Variants in PTPRN2 observed in about 807,000 individuals in gnomAD.
The protein encoded by PTPRN2 is protein tyrosine phosphatase receptor type N2.
Under a neutral mutation model 118.8 loss-of-function variants are expected in PTPRN2, and 74 were observed. That is an observed-to-expected ratio of 0.62 (90% CI 0.52 to 0.76). The LOEUF is 0.76. PTPRN2 is among the 30% of genes least tolerant of loss of function. PTPRN2 has a pLI of 0.00. For synonymous variants in PTPRN2, 641 were observed against 608.0 expected (o/e 1.05, Z -0.80); for missense variants, 1,481 against 1,394.4 (o/e 1.06, Z -0.99).
chr7:158,249,644 A>G (rs1051257653), intron 3 of PTPRN2, among the ~76,000 whole-genome samples: 2 of 152,226 alleles, frequency 1.3e-5, no homozygotes, highest in African/African-American at 4.8e-5. Flanking sequence ...CCCAGTTGTG[A>G]CGTCTATGCA....
intron 3 of PTPRN2, among the ~76,000 whole-genome samples, chr7:158,262,533 A>AC (rs369872448): frequency 7.5e-5 from 11 of 146,936 alleles, no homozygotes; most frequent in East Asian, 6.0e-4. Context: ...CACTGCACAC[A>AC]TACACACATT....
chr7:158,151,516 A>ACACCAC (rs1563522299), intron 6 of PTPRN2, among the ~76,000 whole-genome samples: 1 of 10,436 alleles, frequency 9.6e-5, no homozygotes, highest in Non-Finnish European at 1.9e-4. Flanking sequence ...TCTGCTCCTC[A>ACACCAC]CCGCACGTCC....
At chr7:157,748,412 GGTTTCTCGGTAATTCTGAGGC>G (rs1801169319) in intron 12 of PTPRN2, among the ~76,000 whole-genome samples, 1 of 149,510 alleles carries the variant, frequency 6.7e-6, no homozygotes, top group Admixed American at 6.7e-5. Flanking sequence ...TGAGCTGCGG[GGTTTCTCGGTAATTCTGAGGC>G]CTGTGTCCCT....
At chr7:158,074,013 G>C (rs1056561832) in intron 11 of PTPRN2, among the ~76,000 whole-genome samples, 2 of 152,206 alleles carry the variant, frequency 1.3e-5, no homozygotes, top group Non-Finnish European at 2.9e-5. Flanking sequence ...GAGGACATAC[G>C]TGTCCTGGCC....
At chr7:158,358,734 C>A (rs1038290309) in intron 2 of PTPRN2, among the ~76,000 whole-genome samples, 1 of 152,214 alleles carries the variant, frequency 6.6e-6, no homozygotes, top group African/African-American at 2.4e-5. Flanking sequence ...TGCACTGATA[C>A]GTGGCCCCCA....
intron 9 of PTPRN2, among the ~76,000 whole-genome samples, chr7:158,122,895 C>T: frequency 6.6e-6 from 1 of 152,176 alleles, no homozygotes; most frequent in East Asian, 1.9e-4. Context: ...TTCTCCACGT[C>T]TCATTTTGGC....
chr7:157,896,593 G>A (rs1244827155), intron 12 of PTPRN2, among the ~76,000 whole-genome samples: 1 of 150,480 alleles, frequency 6.6e-6, no homozygotes, highest in Non-Finnish European at 1.5e-5. Context: ...GAGCTCCGTT[G>A]TGAGTGGGCA....
intron 1 of PTPRN2, among the ~76,000 whole-genome samples, chr7:158,556,773 C>T (rs971197502): frequency 1.5e-5 from 2 of 136,696 alleles, no homozygotes; most frequent in Admixed American, 7.4e-5. Context: ...GTTGCTCCCA[C>T]GCAGGTCGCT....
At chr7:157,992,564 AAAAC>A (rs1804333172) in intron 11 of PTPRN2, among the ~76,000 whole-genome samples, 1 of 152,264 alleles carries the variant, frequency 6.6e-6, no homozygotes, top group African/African-American at 2.4e-5. Flanking sequence ...AAATAAAAAT[AAAAC>A]AAAACAAAAT....
intron 11 of PTPRN2, among the ~76,000 whole-genome samples, chr7:157,978,823 G>C (rs567772162): frequency 6.6e-6 from 1 of 151,970 alleles, no homozygotes; most frequent in African/African-American, 2.4e-5. Flanking sequence ...CTGGTTTTGG[G>C]GCCAACCTCA....
At chr7:157,628,344 C>T (rs772143250) in intron 14 of PTPRN2, among the ~76,000 whole-genome samples, 1 of 152,238 alleles carries the variant, frequency 6.6e-6, no homozygotes, top group Non-Finnish European at 1.5e-5. Context: ...ACACGGAGCA[C>T]AGACAGTCCA....
chr7:158,024,661 G>A (rs1260159066), intron 11 of PTPRN2, among the ~76,000 whole-genome samples: 1 of 152,184 alleles, frequency 6.6e-6, no homozygotes, highest in Non-Finnish European at 1.5e-5. Context: ...CTGTGGGGCA[G>A]AAACTAAGAC....
At chr7:158,195,301 T>C (rs1388482327) in intron 4 of PTPRN2, among the ~76,000 whole-genome samples, 1 of 152,242 alleles carries the variant, frequency 6.6e-6, no homozygotes, top group Non-Finnish European at 1.5e-5. Context: ...TGGAGCATTC[T>C]CAAGGAGAAA....
At chr7:158,135,770 T>G (rs1585565989) in intron 8 of PTPRN2, among the ~76,000 whole-genome samples, 1 of 152,334 alleles carries the variant, frequency 6.6e-6, no homozygotes, top group African/African-American at 2.4e-5. Flanking sequence ...CCAGAACTGC[T>G]GATGTTTTCT....
chr7:158,435,096 C>T (rs186595366), intron 2 of PTPRN2, among the ~76,000 whole-genome samples: 4 of 152,234 alleles, frequency 2.6e-5, no homozygotes, highest in Non-Finnish European at 4.4e-5. Context: ...AAAGCAGAAA[C>T]AGACAAGGGA....
At chr7:158,110,463 C>T (rs1397175408) in intron 10 of PTPRN2, among the ~76,000 whole-genome samples, 1 of 152,198 alleles carries the variant, frequency 6.6e-6, no homozygotes, top group African/African-American at 2.4e-5. Flanking sequence ...GGGACAGGGC[C>T]GTGTCCACAG....
rs537846376 is a variant in PTPRN2, at chr7:157,829,621, G to A, written c.1788+69052C>T. On this transcript the variant is annotated intron_variant, in intron 12 of 22. Transcript: ENST00000389418. ...GTTGGTGAAGACTCCTTACAAAGGCGGAAGGCGCCACACTGTGAGCTGAGC... is the reference window on the plus strand; with the variant it reads ...GTTGGTGAAGACTCCTTACAAAGGCAGAAGGCGCCACACTGTGAGCTGAGC... 3.9e-5 allele frequency among the ~76,000 whole-genome samples: 6 copies of A among 152,322 alleles called. 1 individual carries two copies. The highest frequency in any genetic ancestry group is 1.2e-4 in the African/African-American group (5 of 41,576).
chr7:158,115,883 G>T (rs1000648030), intron 9 of PTPRN2, among the ~76,000 whole-genome samples: 3 of 152,184 alleles, frequency 2.0e-5, no homozygotes, highest in East Asian at 3.8e-4. Flanking sequence ...GACTGGGTGG[G>T]CCCTCAACTG....
chr7:158,472,296 C>T (rs984074825), intron 2 of PTPRN2, among the ~76,000 whole-genome samples: 3 of 152,182 alleles, frequency 2.0e-5, no homozygotes, highest in South Asian at 2.1e-4. Context: ...GATGGGAAGA[C>T]GCCCGATCAG....
Sources: gnomAD v4.1 joint callset for allele counts (sites outside exome capture counted in the v4.1 genomes callset) on GRCh38, gnomAD v4.1.1 for gene constraint, MANE v1.5 for transcripts, NCBI Gene and HGNC (gene_info 2026-07-23, HGNC 2026-07-21) for gene names.